The following DNAJC13 variants were observed in gnomAD, a reference collection of about 807,000 sequenced individuals.
The protein encoded by DNAJC13 is dnaJ homolog subfamily C member 13.
A neutral mutation model predicts 290.5 loss-of-function variants in DNAJC13; 75 were observed. The observed-to-expected ratio is 0.26, with a 90% confidence interval of 0.21 to 0.31. The LOEUF is 0.31. DNAJC13 is among the 10% of genes least tolerant of loss of function. The pLI is 1.00. For missense variants in DNAJC13, 2,260 were observed against 2,674.5 expected (o/e 0.85, Z 3.42); for synonymous variants, 862 against 892.0 (o/e 0.97, Z 0.60).
At chr3:132,466,262 T>A (rs761362195) in intron 18 of DNAJC13, 37 bp from the exon 19 acceptor site, 10 of 1,557,464 alleles carry the variant, frequency 6.4e-6, no homozygotes, top group Non-Finnish European at 8.6e-6. Flanking sequence ...AAATTTTCTT[T>A]TTCACATTGT....
intron 39 of DNAJC13, 109 bp downstream of exon 39, chr3:132,501,022 T>A: frequency 7.4e-7 from 1 of 1,343,028 alleles, no homozygotes. Context: ...TATTTGTAAG[T>A]AAAATTATTT....
In DNAJC13 at chr3:132,511,883, A is replaced by G. The variant is rs896181309; in HGVS notation, c.5293+639A>G. Reference sequence around the variant, plus strand: ...AAATTACTCGATCTTTTAAAATAACATTGAACATTACCTTTCAAGTACATT... The same window carrying G: ...AAATTACTCGATCTTTTAAAATAACGTTGAACATTACCTTTCAAGTACATT... On this transcript the variant is annotated intron_variant, in intron 44 of 55. Transcript: ENST00000260818. Among the ~76,000 whole-genome samples, 4 of 152,176 alleles carry G rather than the reference A, an allele frequency of 2.6e-5. No homozygotes were observed. The South Asian group carries it at 6.2e-4, about 24-fold the overall frequency.
chr3:132,420,114 C>G (rs938914697), intron 1 of DNAJC13, among the ~76,000 whole-genome samples: 1 of 152,186 alleles, frequency 6.6e-6, no homozygotes, highest in African/African-American at 2.4e-5. Context: ...TTTCTGTTTA[C>G]CGTCTTCAGA....
At chr3:132,519,492 G>A (rs1168567915) in intron 48 of DNAJC13, among the ~76,000 whole-genome samples, 1 of 150,326 alleles carries the variant, frequency 6.7e-6, no homozygotes, top group Non-Finnish European at 1.5e-5. Flanking sequence ...TTATGTTTTA[G>A]ATACTAGTCC....
intron 20 of DNAJC13, chr3:132,472,571 G>C (rs1934320638): frequency 1.0e-6 from 1 of 985,222 alleles, no homozygotes; most frequent in Admixed American, 6.2e-5. Flanking sequence ...AAAACAATAT[G>C]GTGAGTGTAA....
In DNAJC13 at chr3:132,459,102, G is replaced by C. The variant is rs182273803; in HGVS notation, c.1450-1148G>C. The stretch of plus-strand genomic sequence containing the variant: ...CCAATGAACTTTAGAAGTTATTACT[G>C]TTATATCTATTTTGTAGAGAAGGAC... On this transcript the variant is annotated intron_variant, in intron 13 of 55. Coordinates refer to ENST00000260818, the MANE Select transcript of DNAJC13 (RefSeq NM_015268.4). Among the ~76,000 whole-genome samples, 665 of 152,178 alleles carry C rather than the reference G, an allele frequency of 4.4e-3. 1 individual carries two copies. Among genetic ancestry groups the C allele is most frequent in the Admixed American group, 0.011 (167 of 15,282 alleles).
chr3:132,467,132 C>T, intron 19 of DNAJC13, 38 bp from the exon 20 acceptor site: 3 of 1,578,588 alleles, frequency 1.9e-6, no homozygotes, highest in Non-Finnish European at 2.6e-6. Context: ...AATAAATTTG[C>T]AAACAGGCAT....
intron 1 of DNAJC13, among the ~76,000 whole-genome samples, chr3:132,431,887 C>G (rs562065112): frequency 6.6e-6 from 1 of 151,966 alleles, no homozygotes; most frequent in South Asian, 2.1e-4. Context: ...GGGGGGTGAC[C>G]GCTAACAGAG....
intron 2 of DNAJC13, among the ~76,000 whole-genome samples, chr3:132,442,450 C>T (rs1933103125): frequency 6.6e-6 from 1 of 152,172 alleles, no homozygotes; most frequent in Admixed American, 6.5e-5. Context: ...ATAAGCATCA[C>T]CTTATCAAAT....
At chr3:132,489,584 T>G (rs1338476943) in intron 31 of DNAJC13, among the ~76,000 whole-genome samples, 1 of 152,094 alleles carries the variant, frequency 6.6e-6, no homozygotes, top group Non-Finnish European at 1.5e-5. Flanking sequence ...AACTGAAGGG[T>G]GTTTTGAAAT....
intron 22 of DNAJC13, among the ~76,000 whole-genome samples, chr3:132,476,203 C>T (rs1934468712): frequency 6.6e-6 from 1 of 152,096 alleles, no homozygotes; most frequent in Non-Finnish European, 1.5e-5. Context: ...GACTTTTAGC[C>T]CTAGACTTCA....
chr3:132,505,183 G>GGTCC (rs1935545181), intron 41 of DNAJC13, 119 bp from the exon 42 acceptor site: 1 of 604,854 alleles, frequency 1.7e-6, no homozygotes, highest in Non-Finnish European at 2.9e-6. Flanking sequence ...TTATTATTGA[G>GGTCC]GTCCATTATA....
chr3:132,454,446 C>T (rs1305758044), intron 9 of DNAJC13, among the ~76,000 whole-genome samples: 2 of 151,092 alleles, frequency 1.3e-5, no homozygotes, highest in South Asian at 2.1e-4. Flanking sequence ...CGCAGCCTCA[C>T]AAGTAGCTGG....
chr3:132,444,051 T>C (rs1165488126), intron 2 of DNAJC13, among the ~76,000 whole-genome samples: 1 of 152,214 alleles, frequency 6.6e-6, no homozygotes, highest in Non-Finnish European at 1.5e-5. Context: ...GTTTTTGGCC[T>C]CTTAAGAACT....
At chr3:132,479,130 A>G in intron 24 of DNAJC13, 97 bp from the exon 25 acceptor site, 1 of 627,954 alleles carries the variant, frequency 1.6e-6, no homozygotes, top group Non-Finnish European at 2.7e-6. Flanking sequence ...AAATGGCATT[A>G]CTTCTTATGG....
chr3:132,514,550 A>C (rs1196645293), intron 45 of DNAJC13, 21 bp from the exon 46 acceptor site: 24 of 1,563,670 alleles, frequency 1.5e-5, no homozygotes, highest in Non-Finnish European at 1.9e-5. Context: ...AACTTTTACT[A>C]TCCTGTTGAT....
intron 43 of DNAJC13, among the ~76,000 whole-genome samples, chr3:132,509,200 G>A (rs952767629): frequency 6.6e-6 from 1 of 152,230 alleles, no homozygotes; most frequent in Non-Finnish European, 1.5e-5. Context: ...TGATTCATGG[G>A]AGGAGGTAAA....
rs1934791435 is a variant in DNAJC13, at chr3:132,484,610, C to T, written c.3205C>T (p.Arg1069Trp). The change falls in exon 29 of 56, where the codon CGG becomes TGG. Residue 1069 changes from arginine to tryptophan, a missense_variant. Coordinates refer to ENST00000260818, the MANE Select transcript of DNAJC13 (RefSeq NM_015268.4). ...TAGGGATCAAGACAATGCCATCATT[C>T]GGCCTCTACCCAAAGTGAAAAGACT... is the stretch of plus-strand genomic sequence containing the variant. Reference protein sequence around the residue: ...PSRDQDNAIIRPLPKVKRLLS... With the variant: ...PSRDQDNAIIWPLPKVKRLLS... The T allele has an allele frequency of 1.2e-6, 2 of 1,614,030 alleles. No individual in the cohort carries two copies. Among genetic ancestry groups the T allele is most frequent in the Non-Finnish European group, 1.7e-6 (2 of 1,179,940 alleles).
chr3:132,482,934 A>C (rs1934726550), intron 27 of DNAJC13, among the ~76,000 whole-genome samples: 1 of 152,146 alleles, frequency 6.6e-6, no homozygotes, highest in Non-Finnish European at 1.5e-5. Flanking sequence ...TGAATAAGTA[A>C]GTTTTAATAT....
Sources: gnomAD v4.1 joint callset for allele counts (sites outside exome capture counted in the v4.1 genomes callset) on GRCh38, gnomAD v4.1.1 for gene constraint, MANE v1.5 for transcripts, NCBI Gene and HGNC (gene_info 2026-07-23, HGNC 2026-07-21) for gene names.